The following TMEM108 variants were observed in gnomAD, a reference collection of about 807,000 sequenced individuals.
TMEM108 encodes cancer/testis antigen 124.
TMEM108 carries 12 observed loss-of-function variants against 35.1 expected under a neutral mutation model. The observed-to-expected ratio is 0.34, with a 90% CI of 0.22 to 0.55. The LOEUF (loss-of-function observed/expected upper bound fraction) is 0.55. Among genes scored for constraint, TMEM108 ranks in the 20% least tolerant of loss-of-function variants. The pLI, the probability that TMEM108 is intolerant of heterozygous loss-of-function variation, is 0.89. For missense variants in TMEM108, 680 were observed against 753.3 expected (o/e 0.90, Z 1.14); for synonymous variants, 287 against 308.6 (o/e 0.93, Z 0.73).
intron 2 of TMEM108, among the ~76,000 whole-genome samples, chr3:133,170,299 A>G (rs1423713127): frequency 6.6e-6 from 1 of 152,232 alleles, no homozygotes; most frequent in Non-Finnish European, 1.5e-5. Context: ...ATGAAACAGA[A>G]AAGACAATGG....
At position 133,379,986 on chromosome 3, in the gene TMEM108, C is replaced by T. The variant is rs2107839066; in HGVS notation, c.275C>T (p.Pro92Leu). The T allele has an allele frequency of 3.7e-6, 6 of 1,614,020 alleles. No individual in the cohort carries two copies. Among genetic ancestry groups the T allele is most frequent in the Non-Finnish European group, 3.4e-6 (4 of 1,179,988 alleles). ...ATPTPRAEGH[P>L]PTHTISTIAA... ...CCGACACCCCGTGCAGAGGGGCACC[C>T]TCCTACGCACACCATCTCCACCATC... Residue 92 changes from proline to leucine, a missense_variant, in exon 4 of 6, where the codon CCT becomes CTT. Coordinates refer to ENST00000321871, the MANE Select transcript of TMEM108 (RefSeq NM_023943.4).
chr3:133,204,614 A>T (rs1408785531), intron 2 of TMEM108, among the ~76,000 whole-genome samples: 5 of 152,158 alleles, frequency 3.3e-5, no homozygotes, highest in African/African-American at 1.2e-4. Flanking sequence ...TGTGGTTTTG[A>T]ATGACTTTCT....
intron 3 of TMEM108, among the ~76,000 whole-genome samples, chr3:133,253,965 C>T (rs1269783349): frequency 6.6e-6 from 1 of 152,158 alleles, no homozygotes; most frequent in Non-Finnish European, 1.5e-5. Context: ...ACTAAATTGT[C>T]AACCTGGCTG....
At chr3:133,079,058 C>T (rs771475190) in intron 2 of TMEM108, among the ~76,000 whole-genome samples, 5 of 152,044 alleles carry the variant, frequency 3.3e-5, no homozygotes, top group Admixed American at 2.0e-4. Context: ...CGAGAAGTGC[C>T]GGTGGTATAT....
At chr3:133,293,766 GT>G (rs546898954) in intron 3 of TMEM108, among the ~76,000 whole-genome samples, 6 of 151,294 alleles carry the variant, frequency 4.0e-5, no homozygotes, top group Middle Eastern at 3.4e-3. Context: ...GTGTGTGAGG[GT>G]TTTTTTTTAA....
At chr3:133,056,197 G>T (rs1170139632) in intron 2 of TMEM108, among the ~76,000 whole-genome samples, 1 of 146,628 alleles carries the variant, frequency 6.8e-6, no homozygotes, top group Admixed American at 6.7e-5. Context: ...AAAGACACAG[G>T]CTGATTCCAA....
At chr3:133,088,517 G>C (rs1035587593) in intron 2 of TMEM108, among the ~76,000 whole-genome samples, 1 of 152,206 alleles carries the variant, frequency 6.6e-6, no homozygotes, top group Non-Finnish European at 1.5e-5. Flanking sequence ...GGCTTTTTGA[G>C]TAGCAAAGCT....
intron 3 of TMEM108, among the ~76,000 whole-genome samples, chr3:133,282,165 AT>A (rs1395131674): frequency 2.6e-5 from 4 of 152,254 alleles, no homozygotes; most frequent in African/African-American, 9.6e-5. Context: ...TCAAAAAAAA[AT>A]AAATAAAATA....
intron 2 of TMEM108, among the ~76,000 whole-genome samples, chr3:133,094,233 A>ACCCCCCACCCCCCG (rs1553732630): frequency 8.6e-5 from 2 of 23,330 alleles, no homozygotes; most frequent in African/African-American, 1.4e-4. Flanking sequence ...CCCACCCCCC[A>ACCCCCCACCCCCCG]CCCCCCCCAC....
chr3:133,255,550 G>A (rs1420160528), intron 3 of TMEM108, among the ~76,000 whole-genome samples: 1 of 152,126 alleles, frequency 6.6e-6, no homozygotes, highest in African/African-American at 2.4e-5. Flanking sequence ...AGTATGAGAA[G>A]GCCTAACATA....
chr3:133,270,798 C>T (rs1301937155), intron 3 of TMEM108, among the ~76,000 whole-genome samples: 1 of 88,782 alleles, frequency 1.1e-5, no homozygotes, highest in Non-Finnish European at 3.0e-5. Context: ...AGAATGTACA[C>T]ACACACACAC....
intron 3 of TMEM108, among the ~76,000 whole-genome samples, chr3:133,334,607 A>C (rs1335112767): frequency 6.6e-6 from 1 of 151,826 alleles, no homozygotes; most frequent in Non-Finnish European, 1.5e-5. Flanking sequence ...GCCCTTCCTC[A>C]CTCCTTGGGG....
intron 3 of TMEM108, among the ~76,000 whole-genome samples, chr3:133,309,862 G>T (rs1182337099): frequency 1.3e-5 from 2 of 151,764 alleles, no homozygotes. Context: ...CGCTACGCCC[G>T]GCTAATTTTT....
chr3:133,301,949 C>T (rs1947230915), intron 3 of TMEM108, among the ~76,000 whole-genome samples: 1 of 152,186 alleles, frequency 6.6e-6, no homozygotes, highest in Non-Finnish European at 1.5e-5. Flanking sequence ...GGAAACTCAG[C>T]TCCCTGCCCT....
At chr3:133,113,011 A>G (rs1474889061) in intron 2 of TMEM108, among the ~76,000 whole-genome samples, 1 of 152,218 alleles carries the variant, frequency 6.6e-6, no homozygotes, top group Non-Finnish European at 1.5e-5. Flanking sequence ...AAGAACACGT[A>G]AGAAAGACTT....
rs779983086 is a variant in TMEM108 at position 133,379,898 on chromosome 3, G to A, written c.187G>A (p.Val63Met). 5.1e-5 allele frequency: 83 copies of A among 1,613,824 alleles called. No homozygotes were observed. The highest frequency in any genetic ancestry group is 1.6e-4 in the Middle Eastern group (1 of 6,082). ...APHSSTRHTS[V>M]VMLTPNPDGP... ...CCACAGCTCTACCAGACATACTTCT[G>A]TGGTGATGCTGACCCCCAATCCCGA... is the stretch of plus-strand genomic sequence containing the variant. The change falls in exon 4 of 6, where the codon GTG (valine) becomes ATG (methionine). Residue 63 changes from valine to methionine, a missense_variant. Transcript: ENST00000321871.
intron 2 of TMEM108, among the ~76,000 whole-genome samples, chr3:133,216,997 A>T (rs1195789239): frequency 6.6e-6 from 1 of 152,056 alleles, no homozygotes; most frequent in Non-Finnish European, 1.5e-5. Flanking sequence ...TTTTTTCAGG[A>T]ACCTCGCTAC....
intron 2 of TMEM108, among the ~76,000 whole-genome samples, chr3:133,195,164 C>A (rs2107819348): frequency 6.6e-6 from 1 of 152,232 alleles, no homozygotes; most frequent in South Asian, 2.1e-4. Flanking sequence ...AATTATACTT[C>A]TTTATAATTT....
chr3:133,332,697 G>T (rs1372627099), intron 3 of TMEM108, among the ~76,000 whole-genome samples: 2 of 152,184 alleles, frequency 1.3e-5, no homozygotes, highest in Admixed American at 6.5e-5. Flanking sequence ...GTTATACCTT[G>T]TAGCCATTCT....
Sources: allele counts gnomAD v4.1 joint callset (sites outside exome capture counted in the v4.1 genomes callset), GRCh38; gene constraint gnomAD v4.1.1; transcripts MANE v1.5; gene names NCBI Gene and HGNC (gene_info 2026-07-23, HGNC 2026-07-21).